The following HS3ST4 variants were observed in gnomAD, a reference collection of about 807,000 sequenced individuals.
The protein encoded by HS3ST4 is heparan sulfate glucosamine 3-O-sulfotransferase 4.
Under a neutral mutation model 29.2 loss-of-function variants are expected in HS3ST4, and 17 were observed. That is an observed-to-expected ratio of 0.58 (90% CI 0.40 to 0.87). HS3ST4 has a LOEUF of 0.87. Among genes scored for constraint, HS3ST4 ranks in the 40% least tolerant of loss-of-function variants. The pLI, the probability that HS3ST4 is intolerant of heterozygous loss-of-function variation, is 0.00. For missense variants in HS3ST4, 627 were observed against 634.5 expected (o/e 0.99, Z 0.13); for synonymous variants, 314 against 285.7 (o/e 1.10, Z -1.00).
chr16:25,867,010 A>G (rs1967702619), intron 1 of HS3ST4, among the ~76,000 whole-genome samples: 2 of 152,098 alleles, frequency 1.3e-5, no homozygotes, highest in South Asian at 4.1e-4. Flanking sequence ...ATCCTGGAAG[A>G]CCCACCCAAT....
chr16:26,083,796 A>G (rs1898752730), intron 1 of HS3ST4, among the ~76,000 whole-genome samples: 1 of 151,966 alleles, frequency 6.6e-6, no homozygotes, highest in Non-Finnish European at 1.5e-5. Context: ...CCTAAGTAAG[A>G]AAAAAAACAG....
At chr16:26,050,562 T>G (rs1898329995) in intron 1 of HS3ST4, among the ~76,000 whole-genome samples, 1 of 152,180 alleles carries the variant, frequency 6.6e-6, no homozygotes. Context: ...TGGAAAGTAC[T>G]GCAGCTACCA....
chr16:26,094,354 C>T (rs1898897257), intron 1 of HS3ST4, among the ~76,000 whole-genome samples: 1 of 152,136 alleles, frequency 6.6e-6, no homozygotes, highest in South Asian at 2.1e-4. Flanking sequence ...ATGTTAAGGG[C>T]AGCAAGAGAG....
At chr16:25,781,981 A>G (rs1966853036) in intron 1 of HS3ST4, among the ~76,000 whole-genome samples, 1 of 152,130 alleles carries the variant, frequency 6.6e-6, no homozygotes, top group African/African-American at 2.4e-5. Flanking sequence ...ACTGCCCAAG[A>G]CTGGGTAATT....
At chr16:25,964,177 T>TTA (rs1968820830) in intron 1 of HS3ST4, among the ~76,000 whole-genome samples, 2 of 135,790 alleles carry the variant, frequency 1.5e-5, no homozygotes, top group Admixed American at 1.5e-4. Context: ...CTCCATCTCA[T>TTA]AAAAAAAAAA....
intron 1 of HS3ST4, among the ~76,000 whole-genome samples, chr16:25,711,316 G>A (rs565377242): frequency 5.9e-5 from 9 of 152,128 alleles, no homozygotes; most frequent in African/African-American, 2.2e-4. Flanking sequence ...CCTTCCCAAT[G>A]TGGGGCAGCT....
intron 1 of HS3ST4, among the ~76,000 whole-genome samples, chr16:25,827,721 A>G: frequency 6.6e-6 from 1 of 152,252 alleles, no homozygotes; most frequent in South Asian, 2.1e-4. Context: ...AAACTTTAAA[A>G]TGGTAAAGTT....
rs180985007 is a variant in HS3ST4 at position 25,945,171 on chromosome 16, C to T, written c.735-190441C>T. On this transcript the variant is annotated intron_variant, in intron 1 of 1. Transcript: ENST00000331351. ...CTACATGCTTACAAATATATGGCTG[C>T]AGAAAATGCACAACACACAATATTA... Among the ~76,000 whole-genome samples, 40 of 152,162 alleles carry T rather than the reference C, an allele frequency of 2.6e-4. 1 individual carries two copies. Among genetic ancestry groups the T allele is most frequent in the Admixed American group, 1.2e-3 (19 of 15,282 alleles).
intron 1 of HS3ST4, among the ~76,000 whole-genome samples, chr16:25,724,726 GT>G (rs775015287): frequency 1.3e-3 from 201 of 152,252 alleles, no homozygotes; most frequent in Non-Finnish European, 2.2e-3. Context: ...TGAACCCGAA[GT>G]AGAGCTGGCT....
intron 1 of HS3ST4, among the ~76,000 whole-genome samples, chr16:25,816,062 A>G (rs1051654279): frequency 6.6e-6 from 1 of 152,216 alleles, no homozygotes; most frequent in Non-Finnish European, 1.5e-5. Context: ...AAGGAGAAAT[A>G]AAATAAAGGG....
intron 1 of HS3ST4, among the ~76,000 whole-genome samples, chr16:26,019,476 T>G (rs1386732053): frequency 2.0e-5 from 3 of 152,188 alleles, no homozygotes; most frequent in African/African-American, 7.2e-5. Flanking sequence ...TTTTCATTTT[T>G]CTATAGGGTG....
At chr16:26,053,320 A>G (rs1007985178) in intron 1 of HS3ST4, among the ~76,000 whole-genome samples, 2 of 152,252 alleles carry the variant, frequency 1.3e-5, no homozygotes, top group African/African-American at 4.8e-5. Context: ...AGCACTTGGA[A>G]AAGCTAATTA....
intron 1 of HS3ST4, among the ~76,000 whole-genome samples, chr16:26,065,586 C>A (rs1031773967): frequency 1.3e-5 from 2 of 152,068 alleles, no homozygotes. Flanking sequence ...ACATGTTTAC[C>A]TTTGTAACAA....
chr16:25,724,598 G>T (rs913992770), intron 1 of HS3ST4, among the ~76,000 whole-genome samples: 1 of 151,928 alleles, frequency 6.6e-6, no homozygotes, highest in Admixed American at 6.6e-5. Context: ...TCCTGAACTC[G>T]TGATCCCCCC....
intron 1 of HS3ST4, among the ~76,000 whole-genome samples, chr16:25,714,385 G>A (rs1966438115): frequency 1.3e-5 from 2 of 152,108 alleles, no homozygotes; most frequent in South Asian, 2.1e-4. Flanking sequence ...TGACACTGAC[G>A]AGAAGTTATC....
intron 1 of HS3ST4, among the ~76,000 whole-genome samples, chr16:25,976,969 T>C (rs1301100344): frequency 6.6e-6 from 1 of 152,192 alleles, no homozygotes; most frequent in Non-Finnish European, 1.5e-5. Context: ...GTTTAAACTA[T>C]TTAATAATGT....
chr16:26,027,225 T>C (rs1296648583), intron 1 of HS3ST4, among the ~76,000 whole-genome samples: 1 of 152,190 alleles, frequency 6.6e-6, no homozygotes, highest in Non-Finnish European at 1.5e-5. Flanking sequence ...TACAGATAGT[T>C]CCATTCATAA....
intron 1 of HS3ST4, among the ~76,000 whole-genome samples, chr16:25,982,026 A>G (rs1969010513): frequency 1.8e-5 from 2 of 108,620 alleles, no homozygotes; most frequent in African/African-American, 2.6e-5. Flanking sequence ...ATATTCACAT[A>G]CTGAGACACA....
At chr16:25,966,967 G>A (rs1217373509) in intron 1 of HS3ST4, among the ~76,000 whole-genome samples, 1 of 152,090 alleles carries the variant, frequency 6.6e-6, no homozygotes, top group Non-Finnish European at 1.5e-5. Flanking sequence ...CAGGCCTGCA[G>A]CATCAGCATC....
Sources: gnomAD v4.1 joint callset for allele counts (sites outside exome capture counted in the v4.1 genomes callset) on GRCh38, gnomAD v4.1.1 for gene constraint, MANE v1.5 for transcripts, NCBI Gene and HGNC (gene_info 2026-07-23, HGNC 2026-07-21) for gene names.